The following SPATA9 variants were observed in gnomAD, a reference collection of about 807,000 sequenced individuals.
The protein encoded by SPATA9 is spermatogenesis associated 9.
In SPATA9, 27 loss-of-function variants were observed where a neutral mutation model predicts 25.5. The observed-to-expected ratio is 1.06, with a 90% CI of 0.78 to 1.46. The LOEUF is 1.46. Ranked by LOEUF, SPATA9 falls within the 40% of genes most tolerant of loss-of-function variation. SPATA9 has a pLI of 0.00. For synonymous variants in SPATA9, 102 were observed against 105.7 expected (o/e 0.97, Z 0.21); for missense variants, 282 against 297.5 (o/e 0.95, Z 0.38).
chr5:95,682,262 A>G (rs949879646), intron 2 of SPATA9, among the ~76,000 whole-genome samples: 1 of 152,154 alleles, frequency 6.6e-6, no homozygotes, highest in Admixed American at 6.5e-5. Flanking sequence ...TGTAGTGTTG[A>G]GAGACTGCCA....
intron 1 of SPATA9, among the ~76,000 whole-genome samples, chr5:95,688,571 G>T (rs994947724): frequency 6.6e-6 from 1 of 152,146 alleles, no homozygotes; most frequent in African/African-American, 2.4e-5. Context: ...TTTACGCAAT[G>T]TAGATGGAAC....
chr5:95,660,194 T>C (rs1013531676), intron 4 of SPATA9, among the ~76,000 whole-genome samples: 1 of 152,084 alleles, frequency 6.6e-6, no homozygotes, highest in Non-Finnish European at 1.5e-5. Flanking sequence ...TGGTTTTCTG[T>C]TTCATAGATG....
At chr5:95,715,627 T>C in the SPATA9 span, among the ~76,000 whole-genome samples, 2 of 152,080 alleles carry the variant, frequency 1.3e-5, no homozygotes, top group African/African-American at 2.4e-5. Flanking sequence ...AGAGGCAAAA[T>C]ATAACACTAC....
At chr5:95,702,552 C>T (rs145394172), upstream of SPATA9, among the ~76,000 whole-genome samples, 1,098 of 152,184 alleles carry the variant, frequency 7.2e-3, 11 homozygotes, top group African/African-American at 0.025. Context: ...TTCTACATTA[C>T]CATCTAAGAG....
the SPATA9 span, among the ~76,000 whole-genome samples, chr5:95,710,028 C>T: frequency 2.6e-5 from 4 of 152,132 alleles, no homozygotes; most frequent in East Asian, 7.7e-4. Flanking sequence ...AACGTTAATA[C>T]GTTTATCCTT....
chr5:95,663,009 T>C (rs978941966), intron 4 of SPATA9, among the ~76,000 whole-genome samples: 1 of 152,220 alleles, frequency 6.6e-6, no homozygotes, highest in Non-Finnish European at 1.5e-5. Context: ...TTTGGCAATA[T>C]CTACTAGGTA....
the SPATA9 span, among the ~76,000 whole-genome samples, chr5:95,715,270 G>A: frequency 2.0e-5 from 3 of 150,918 alleles, no homozygotes; most frequent in African/African-American, 7.3e-5. Flanking sequence ...GTGACAGTGA[G>A]CTGAGATCAT....
chr5:95,668,606 T>C (rs1752049480), intron 3 of SPATA9, among the ~76,000 whole-genome samples: 1 of 152,226 alleles, frequency 6.6e-6, no homozygotes, highest in African/African-American at 2.4e-5. Flanking sequence ...AATTTCACTT[T>C]ATGTGCATAT....
chr5:95,707,247 A>C, the SPATA9 span, among the ~76,000 whole-genome samples: 15 of 152,354 alleles, frequency 9.8e-5, no homozygotes, highest in Middle Eastern at 3.4e-3. Context: ...TCTTGGAGGA[A>C]GAATGAATGT....
At chr5:95,657,886 A>G (rs1750860334), downstream of SPATA9, 1 of 152,156 alleles carries the variant, frequency 6.6e-6, no homozygotes, top group Admixed American at 6.6e-5. Context: ...GTCTTAACAC[A>G]TGTCCAGAAT....
At chr5:95,652,303 C>G, downstream of SPATA9, 1 of 1,550,552 alleles carries the variant, frequency 6.4e-7, no homozygotes. Flanking sequence ...TGTCTTAGAC[C>G]TTCTTCCTTA....
chr5:95,685,493 T>C (rs1324069434), upstream of SPATA9, among the ~76,000 whole-genome samples: 1 of 152,226 alleles, frequency 6.6e-6, no homozygotes, highest in Non-Finnish European at 1.5e-5. Context: ...GTAACCTCCT[T>C]TGGATGTCAA....
At chr5:95,729,562 G>T in the SPATA9 span, among the ~76,000 whole-genome samples, 1 of 152,048 alleles carries the variant, frequency 6.6e-6, no homozygotes, top group South Asian at 2.1e-4. Flanking sequence ...ATGTTCTAGC[G>T]TTCAGTTCTA....
At chr5:95,706,145 C>T in the SPATA9 span, among the ~76,000 whole-genome samples, 16 of 152,122 alleles carry the variant, frequency 1.1e-4, no homozygotes, top group South Asian at 3.1e-3. Context: ...TTGAGTCCAT[C>T]AAGCTATGAA....
upstream of SPATA9, among the ~76,000 whole-genome samples, chr5:95,700,113 A>G (rs934926200): frequency 9.2e-5 from 14 of 152,206 alleles, no homozygotes; most frequent in African/African-American, 3.1e-4. Context: ...AAGGGGTGAA[A>G]GCTAAAGCAG....
chr5:95,657,679 T>C (rs914039414), downstream of SPATA9: 2 of 152,158 alleles, frequency 1.3e-5, no homozygotes, highest in African/African-American at 4.8e-5. Context: ...TTATTACACT[T>C]CCTTTTCTGT....
upstream of SPATA9, among the ~76,000 whole-genome samples, chr5:95,700,502 G>A (rs756567041): frequency 1.6e-4 from 24 of 152,198 alleles, 1 homozygote; most frequent in Non-Finnish European, 2.5e-4. Flanking sequence ...GTTTCACCAC[G>A]TCGGTCAGGC....
intron 1 of SPATA9, among the ~76,000 whole-genome samples, chr5:95,695,345 C>G (rs538050829): frequency 2.6e-3 from 401 of 152,290 alleles, no homozygotes; most frequent in Non-Finnish European, 3.0e-3. Flanking sequence ...CGCCTGTAAT[C>G]CCAGCACTTT....
chr5:95,731,783 C>A, the SPATA9 span: 1 of 1,602,604 alleles, frequency 6.2e-7, no homozygotes, highest in East Asian at 2.2e-5. Flanking sequence ...CGCTGTCCCC[C>A]GCACTTCCTG....
Sources: gnomAD v4.1 joint callset for allele counts (sites outside exome capture counted in the v4.1 genomes callset) on GRCh38, gnomAD v4.1.1 for gene constraint, MANE v1.5 for transcripts, NCBI Gene and HGNC (gene_info 2026-07-23, HGNC 2026-07-21) for gene names.